Variants in ZNF283 observed in about 807,000 individuals in gnomAD.
ZNF283 encodes zinc finger protein 41.
A neutral mutation model predicts 9.2 loss-of-function variants in ZNF283; 10 were observed. That is an observed-to-expected ratio of 1.09 (90% CI 0.67 to 1.85). The LOEUF (loss-of-function observed/expected upper bound fraction) is 1.85, where lower values mean the gene tolerates loss of function less well. Among genes scored for constraint, ZNF283 ranks in the 40% most tolerant of loss-of-function variants. The pLI, the probability that ZNF283 is intolerant of heterozygous loss-of-function variation, is 0.00. For synonymous variants in ZNF283, 234 were observed against 244.1 expected (o/e 0.96, Z 0.38); for missense variants, 631 against 760.1 (o/e 0.83, Z 2.00).
chr19:43,847,211 G>A lies in ZNF283; in HGVS notation c.610G>A (p.Glu204Lys). 1 of 1,613,832 alleles carries A rather than the reference G, an allele frequency of 6.2e-7. No individual in the cohort carries two copies. The highest frequency in any genetic ancestry group is 1.1e-5 in the South Asian group (1 of 91,076). ...LTPHQRIHNTEKSYVCKECGK... is the reference protein window; with the variant it reads ...LTPHQRIHNTKKSYVCKECGK... ...TCCACATCAAAGAATTCATAATACA[G>A]AGAAATCCTATGTTTGTAAGGAATG... Residue 204 changes from glutamate (E) to lysine (K), a missense_variant, in exon 7 of 7, where the codon GAG becomes AAG. Physicochemically the swap from Glu to Lys is moderately conservative, Grantham distance 56 (BLOSUM62 1). Coordinates refer to ENST00000618787, the MANE Select transcript of ZNF283 (RefSeq NM_181845.2).
chr19:43,837,477 C>T (rs768437168), intron 6 of ZNF283: 3 of 398,750 alleles, frequency 7.5e-6, no homozygotes, highest in Middle Eastern at 1.3e-3. Flanking sequence ...GCAAAGAAAC[C>T]AGATTTCATA....
rs748462375 is a variant in ZNF283 at position 43,847,389 on chromosome 19, A to G, written c.788A>G (p.Tyr263Cys). ...HQRFHTGEKP[Y>C]ECKECGKTFS... ...AGATTTCATACTGGTGAGAAACCCTATGAGTGTAAGGAATGTGGGAAGACC... is the reference window on the plus strand; with the variant it reads ...AGATTTCATACTGGTGAGAAACCCTGTGAGTGTAAGGAATGTGGGAAGACC... The change falls in exon 7 of 7, where the codon TAT becomes TGT. Residue 263 changes from tyrosine to cysteine, a missense_variant. Transcript: ENST00000618787. 23 of 1,614,016 alleles carry G rather than the reference A, an allele frequency of 1.4e-5. No individual in the cohort carries two copies. In the South Asian group the frequency reaches 1.6e-4, roughly 12 times the overall value.
intron 6 of ZNF283, among the ~76,000 whole-genome samples, chr19:43,844,688 A>G (rs184359674): frequency 1.3e-5 from 2 of 152,290 alleles, no homozygotes; most frequent in African/African-American, 4.8e-5. Flanking sequence ...CCATCATTTA[A>G]TAGCTCAACC....
In ZNF283 at chr19:43,850,244, ATGG is replaced by A. The variant is rs1271431263; in HGVS notation, c.*1606_*1608del. 6.6e-6 allele frequency: 1 copy of A among 152,188 alleles called. No individual in the cohort carries two copies. The highest frequency in any genetic ancestry group is 2.4e-5 in the African/African-American group (1 of 41,446). 9.4% of individuals were successfully genotyped at this position (152,188 alleles called of 1,614,324 possible). On this transcript the variant is annotated 3_prime_UTR_variant, in exon 7 of 7. Coordinates refer to ENST00000618787, the MANE Select transcript of ZNF283 (RefSeq NM_181845.2). ...CATTTTTTACCAGAACACTTCATAG[ATGG>A]TGATGTGTACTTCATCTTGCAATAC...
intron 6 of ZNF283, chr19:43,837,639 TA>T: frequency 5.8e-6 from 1 of 171,516 alleles, no homozygotes; most frequent in Non-Finnish European, 1.2e-5. Context: ...AATTTATAAA[TA>T]GATAAATAGT....
At chr19:43,845,313 T>C (rs1212219676) in intron 6 of ZNF283, among the ~76,000 whole-genome samples, 3 of 152,148 alleles carry the variant, frequency 2.0e-5, no homozygotes, top group Non-Finnish European at 4.4e-5. Context: ...GAGCAAATCT[T>C]TGTGCTTGCT....
intron 6 of ZNF283, among the ~76,000 whole-genome samples, chr19:43,845,819 A>G (rs1371423393): frequency 6.6e-6 from 1 of 152,096 alleles, no homozygotes; most frequent in Non-Finnish European, 1.5e-5. Flanking sequence ...AGCATTTCCC[A>G]TATGCATTTA....
intron 5 of ZNF283, 66 bp from the exon 6 acceptor site, chr19:43,836,987 C>G: frequency 6.4e-7 from 1 of 1,560,676 alleles, no homozygotes; most frequent in Non-Finnish European, 8.8e-7. Flanking sequence ...TCCTTTGTAC[C>G]CTCTTTTTTC....
chr19:43,834,614 G>A (rs141816952), intron 4 of ZNF283, among the ~76,000 whole-genome samples: 5,550 of 149,706 alleles, frequency 0.037, 332 homozygotes, highest in African/African-American at 0.13. Context: ...TATTTTTTTC[G>A]AGATGGAGTC....
chr19:43,847,282 A>G lies in ZNF283; in HGVS notation c.681A>G (p.Arg227=). The G allele has an allele frequency of 1.9e-6, 3 of 1,613,886 alleles. No homozygotes were observed. Among genetic ancestry groups the G allele is most frequent in the Non-Finnish European group, 2.5e-6 (3 of 1,179,830 alleles). Residue 227 remains arginine, a synonymous_variant, in exon 7 of 7, where the codon AGA becomes AGG. Transcript: ENST00000618787. ...SHGSKLVQHE[R]THTAEKHFEC... ...GCTCAAAACTTGTTCAACATGAGAG[A>G]ACTCATACAGCTGAAAAACACTTTG...
chr19:43,829,154 G>A (rs1301232442), intron 2 of ZNF283, among the ~76,000 whole-genome samples: 1 of 152,224 alleles, frequency 6.6e-6, no homozygotes, highest in African/African-American at 2.4e-5. Flanking sequence ...GGGAGGCTGA[G>A]GGAGGTGGAT....
intron 6 of ZNF283, chr19:43,837,599 T>G (rs1484736317): frequency 1.2e-5 from 3 of 245,474 alleles, no homozygotes. Flanking sequence ...GCAGTTTACT[T>G]TGTAGTAAAG....
At chr19:43,831,895 C>A (rs995834551) in intron 3 of ZNF283, among the ~76,000 whole-genome samples, 1 of 149,722 alleles carries the variant, frequency 6.7e-6, no homozygotes, top group Non-Finnish European at 1.5e-5. Flanking sequence ...TTCCAAAGTG[C>A]TGGAATTACA....
chr19:43,840,168 C>T (rs548041992), intron 6 of ZNF283, among the ~76,000 whole-genome samples: 2 of 152,184 alleles, frequency 1.3e-5, no homozygotes, highest in Admixed American at 1.3e-4. Flanking sequence ...TCTGTTCCAT[C>T]ATCTCTACAG....
Position 43,847,805 on chromosome 19 carries a change from C to A in ZNF283, c.1204C>A (p.Pro402Thr). ...RHQIFHTGEK[P>T]YECKECGKAF... The stretch of plus-strand genomic sequence containing the variant: ...TCAGATATTTCATACTGGTGAGAAA[C>A]CCTATGAATGCAAGGAATGTGGGAA... The change falls in exon 7 of 7, where the codon CCC (proline) becomes ACC (threonine). Residue 402 changes from proline to threonine, a missense_variant. Physicochemically the swap from Pro to Thr is conservative, Grantham distance 38. Transcript: ENST00000618787. 6.2e-7 allele frequency: 1 copy of A among 1,611,658 alleles called. No individual in the cohort carries two copies. The highest frequency in any genetic ancestry group is 8.5e-7 in the Non-Finnish European group (1 of 1,179,280).
At chr19:43,841,585 A>C (rs768736537) in intron 6 of ZNF283, 1 of 152,004 alleles carries the variant, frequency 6.6e-6, no homozygotes, top group Non-Finnish European at 1.5e-5. Context: ...GTCGTGTGCC[A>C]CTATGCCTGA....
Position 43,847,568 on chromosome 19 carries a change from G to T in ZNF283, c.967G>T (p.Glu323Ter), listed in dbSNP as rs769451909. The T allele has an allele frequency of 1.9e-6, 3 of 1,607,972 alleles. No homozygotes were observed. Among genetic ancestry groups the T allele is most frequent in the Non-Finnish European group, 2.5e-6 (3 of 1,176,500 alleles). The part of the protein sequence containing the change: ...HTGVKSYKCK[E>*]CGKAFFWGSS... ...TGGTGTGAAATCTTATAAATGTAAG[G>T]AATGTGGGAAGGCCTTTTTTTGGGG... Residue 323 changes from glutamate to a stop codon, truncating the protein, a stop_gained, in exon 7 of 7, where the codon GAA becomes TAA. Coordinates refer to ENST00000618787, the MANE Select transcript of ZNF283 (RefSeq NM_181845.2). LOFTEE classifies it low-confidence loss of function (END_TRUNC).
chr19:43,828,698 C>T (rs958483755), intron 2 of ZNF283, among the ~76,000 whole-genome samples: 3 of 151,586 alleles, frequency 2.0e-5, no homozygotes, highest in Admixed American at 1.3e-4. Context: ...ACTCTGTTGC[C>T]CAGGCTGAGT....
chr19:43,847,844 G>T lies in ZNF283; in HGVS notation c.1243G>T (p.Gly415Ter). The change falls in exon 7 of 7, where the codon GGA becomes TGA. Residue 415 changes from glycine to a stop codon, truncating the protein, a stop_gained. Coordinates refer to ENST00000618787, the MANE Select transcript of ZNF283 (RefSeq NM_181845.2). LOFTEE classifies it low-confidence loss of function (END_TRUNC). ...CKECGKAFNCGSSLIQHERIH... is the reference protein window; with the variant it reads ...CKECGKAFNC ...GGAATGTGGGAAGGCTTTTAATTGC[G>T]GATCAAGTCTTATTCAACATGAAAG... 1.9e-6 allele frequency: 3 copies of T among 1,613,324 alleles called. No individual in the cohort carries two copies. The highest frequency in any genetic ancestry group is 1.3e-5 in the African/African-American group (1 of 74,760).
Sources: gnomAD v4.1 joint callset for allele counts (sites outside exome capture counted in the v4.1 genomes callset) on GRCh38, gnomAD v4.1.1 for gene constraint, MANE v1.5 for transcripts, NCBI Gene and HGNC (gene_info 2026-07-23, HGNC 2026-07-21) for gene names.